Variants in FGGY observed in about 807,000 individuals in gnomAD.
FGGY encodes FGGY carbohydrate kinase domain containing.
In FGGY, 72 loss-of-function variants were observed where a neutral mutation model predicts 71.3. The observed-to-expected ratio is 1.01, with a 90% CI of 0.84 to 1.23. FGGY has a LOEUF of 1.23. FGGY is among the 50% of genes most tolerant of loss of function. FGGY has a pLI of 0.00. For missense variants in FGGY, 668 were observed against 682.3 expected (o/e 0.98, Z 0.23); for synonymous variants, 251 against 250.3 (o/e 1.00, Z -0.02).
chr1:59,632,094 G>A (rs1012580568), intron 10 of FGGY, among the ~76,000 whole-genome samples: 1 of 152,156 alleles, frequency 6.6e-6, no homozygotes, highest in African/African-American at 2.4e-5. Context: ...TGTCTGATGA[G>A]TATCTTTTGA....
chr1:59,473,004 C>G (rs866284072), intron 6 of FGGY, among the ~76,000 whole-genome samples: 1 of 152,156 alleles, frequency 6.6e-6, no homozygotes, highest in Non-Finnish European at 1.5e-5. Flanking sequence ...ACAGACCACT[C>G]GGCTCTACCA....
At chr1:59,678,408 A>C (rs1179043252) in intron 14 of FGGY, among the ~76,000 whole-genome samples, 1 of 152,208 alleles carries the variant, frequency 6.6e-6, no homozygotes, top group Non-Finnish European at 1.5e-5. Context: ...GTTCCATAAC[A>C]CTTCTCTAGG....
chr1:59,546,523 G>GATTATT (rs1479582691), intron 7 of FGGY, among the ~76,000 whole-genome samples: 55 of 74,394 alleles, frequency 7.4e-4, no homozygotes, highest in African/African-American at 3.5e-3. Context: ...TGATGATGAT[G>GATTATT]ATGATGATGA....
chr1:59,549,352 T>G (rs932131881), intron 7 of FGGY, among the ~76,000 whole-genome samples: 1 of 152,184 alleles, frequency 6.6e-6, no homozygotes, highest in Admixed American at 6.5e-5. Flanking sequence ...AAAACCCTTC[T>G]TATCCTTTTT....
rs557832192 is a variant in FGGY, at chr1:59,389,847, G to C, written c.554+11010G>C. 2.0e-5 allele frequency among the ~76,000 whole-genome samples: 3 copies of C among 152,170 alleles called. 1 individual carries two copies. In the South Asian group the frequency reaches 6.2e-4, roughly 32 times the overall value. On this transcript the variant is annotated intron_variant, in intron 5 of 15. Coordinates refer to ENST00000303721, the MANE Select transcript of FGGY (RefSeq NM_018291.5). The stretch of plus-strand genomic sequence containing the variant: ...TTTTTTAAAATACTAGAAATCTGTG[G>C]GATGAAAGTAAAATTGATTGAATTT...
chr1:59,471,938 TG>T (rs1362509292), intron 6 of FGGY, among the ~76,000 whole-genome samples: 2 of 152,216 alleles, frequency 1.3e-5, no homozygotes, highest in African/African-American at 4.8e-5. Context: ...TCTGGAAAAT[TG>T]GAGTGGTAGT....
Position 59,667,415 on chromosome 1 carries a change from A to G in FGGY, c.1417+12A>G. On this transcript the variant is annotated intron_variant, in intron 13 of 15. Coordinates refer to ENST00000303721, the MANE Select transcript of FGGY (RefSeq NM_018291.5). Reference sequence around the variant, plus strand: ...TGCGGACATTACTGGTAAGTCTGGGAAAGAGGAGAGAAGGTCACTTTTTGG... The same window carrying G: ...TGCGGACATTACTGGTAAGTCTGGGGAAGAGGAGAGAAGGTCACTTTTTGG... The G allele has an allele frequency of 6.2e-7, 1 of 1,613,446 alleles. No homozygotes were observed. The highest frequency in any genetic ancestry group is 8.5e-7 in the Non-Finnish European group (1 of 1,179,630).
chr1:59,740,123 T>C (rs2098135866), intron 14 of FGGY, among the ~76,000 whole-genome samples: 1 of 152,228 alleles, frequency 6.6e-6, no homozygotes, highest in South Asian at 2.1e-4. Flanking sequence ...GGCTCCTTAC[T>C]GTTGGTAATC....
chr1:59,747,529 G>A (rs1453747916), intron 14 of FGGY, among the ~76,000 whole-genome samples: 1 of 152,190 alleles, frequency 6.6e-6, no homozygotes, highest in African/African-American at 2.4e-5. Flanking sequence ...TCAACTGAGA[G>A]TTAATCAGAA....
chr1:59,592,072 T>C (rs1228127450), intron 8 of FGGY, among the ~76,000 whole-genome samples: 1 of 152,062 alleles, frequency 6.6e-6, no homozygotes, highest in Non-Finnish European at 1.5e-5. Context: ...GAATCTACAA[T>C]GAACTCAAAC....
rs573836477 is a variant in FGGY, at chr1:59,390,075, G to C, written c.554+11238G>C. 5.3e-5 allele frequency among the ~76,000 whole-genome samples: 8 copies of C among 152,216 alleles called. No homozygotes were observed. The South Asian group carries it at 1.7e-3, about 32-fold the overall frequency. On this transcript the variant is annotated intron_variant, in intron 5 of 15. Transcript: ENST00000303721. ...GTGGTATTTAAAGCAGCTCTTCTAA[G>C]TTCTAGGAAGGATTCAGTCATCCTC...
At chr1:59,585,363 C>T (rs1269437138) in intron 8 of FGGY, among the ~76,000 whole-genome samples, 1 of 152,128 alleles carries the variant, frequency 6.6e-6, no homozygotes, top group Non-Finnish European at 1.5e-5. Context: ...AGAAATAATA[C>T]CACACATCTA....
intron 6 of FGGY, among the ~76,000 whole-genome samples, chr1:59,468,101 C>G (rs1034401506): frequency 6.6e-6 from 1 of 152,002 alleles, no homozygotes; most frequent in African/African-American, 2.4e-5. Flanking sequence ...CGGGGTTGCT[C>G]TATGTTGGTC....
intron 11 of FGGY, among the ~76,000 whole-genome samples, chr1:59,648,962 A>C (rs1270019347): frequency 2.0e-5 from 3 of 151,558 alleles, no homozygotes; most frequent in South Asian, 2.1e-4. Flanking sequence ...TCAGCTTCCT[A>C]CATATGGCTA....
intron 2 of FGGY, among the ~76,000 whole-genome samples, chr1:59,338,825 G>A (rs923558325): frequency 2.6e-5 from 4 of 151,958 alleles, no homozygotes; most frequent in African/African-American, 4.8e-5. Flanking sequence ...AATAAGATAC[G>A]TGCATTTTTA....
At chr1:59,624,243 G>A (rs749726123) in intron 9 of FGGY, among the ~76,000 whole-genome samples, 4 of 152,044 alleles carry the variant, frequency 2.6e-5, no homozygotes, top group South Asian at 2.1e-4. Context: ...ACAATATGAC[G>A]TGGTGGTTAA....
At chr1:59,600,802 G>C (rs1440776081) in intron 8 of FGGY, among the ~76,000 whole-genome samples, 3 of 152,158 alleles carry the variant, frequency 2.0e-5, no homozygotes, top group African/African-American at 7.2e-5. Flanking sequence ...ATCCAAGTTT[G>C]TCAGACTCCT....
chr1:59,754,475 G>A (rs2098273754), intron 14 of FGGY, among the ~76,000 whole-genome samples: 1 of 152,126 alleles, frequency 6.6e-6, no homozygotes, highest in African/African-American at 2.4e-5. Flanking sequence ...GAGTGCTGGA[G>A]TGCAGTGGTG....
At chr1:59,753,467 A>AATATATATATATATATATAT (rs57074120) in intron 14 of FGGY, among the ~76,000 whole-genome samples, 2 of 47,864 alleles carry the variant, frequency 4.2e-5, no homozygotes, top group African/African-American at 7.9e-5. Flanking sequence ...CATAACTTTA[A>AATATATATATATATATATAT]ATATATATAT....
Sources: allele counts gnomAD v4.1 joint callset (sites outside exome capture counted in the v4.1 genomes callset), GRCh38; gene constraint gnomAD v4.1.1; transcripts MANE v1.5; gene names NCBI Gene and HGNC (gene_info 2026-07-23, HGNC 2026-07-21).